CNTN4: variants seen among roughly 807,000 people sequenced by gnomAD.
CNTN4 encodes the protein contactin-4.
CNTN4 carries 77 observed loss-of-function variants against 122.5 expected under a neutral mutation model. That is an observed-to-expected ratio of 0.63 (90% confidence interval 0.52 to 0.76). The LOEUF (loss-of-function observed/expected upper bound fraction) is 0.76. Ranked by LOEUF, CNTN4 falls within the 30% of genes least tolerant of loss-of-function variation. The probability of loss-of-function intolerance (pLI) is 0.00; values close to 1 mark genes in which losing one functional copy is unlikely to be tolerated. For synonymous variants in CNTN4, 512 were observed against 447.0 expected (o/e 1.15, Z -1.83); for missense variants, 1,256 against 1,259.1 (o/e 1.00, Z 0.04).
At chr3:2,296,204 G>A (rs868276711) in intron 2 of CNTN4, among the ~76,000 whole-genome samples, 7 of 152,168 alleles carry the variant, frequency 4.6e-5, no homozygotes, top group Middle Eastern at 6.8e-3. Context: ...GTTTTTTCCA[G>A]TTCTGTGAAG....
At position 2,955,274 on chromosome 3, in the gene CNTN4, A is replaced by G. The variant is rs114216662; in HGVS notation, c.1358+29495A>G. On this transcript the variant is annotated intron_variant, in intron 13 of 24. Coordinates refer to ENST00000418658, the MANE Select transcript of CNTN4 (RefSeq NM_175607.3). ...AAACTATTTCCCAAGACTCAAGGCTAAAGTGCACCTAAATCTTATTTATTA... is the reference window on the plus strand; with the variant it reads ...AAACTATTTCCCAAGACTCAAGGCTGAAGTGCACCTAAATCTTATTTATTA... Among the ~76,000 whole-genome samples, 883 of 152,344 alleles carry G rather than the reference A, an allele frequency of 5.8e-3. 6 individuals are homozygous for G. The highest frequency in any genetic ancestry group is 0.021 in the African/African-American group (853 of 41,590).
intron 2 of CNTN4, among the ~76,000 whole-genome samples, chr3:2,278,672 T>G (rs575810889): frequency 2.4e-4 from 37 of 152,324 alleles, no homozygotes; most frequent in African/African-American, 8.9e-4. Context: ...AGATGTTAAA[T>G]AGACAAGATG....
intron 3 of CNTN4, among the ~76,000 whole-genome samples, chr3:2,532,065 C>T (rs1168601024): frequency 6.6e-6 from 1 of 152,192 alleles, no homozygotes; most frequent in African/African-American, 2.4e-5. Context: ...TTAACTCACA[C>T]TGGACTTTTC....
chr3:2,260,311 T>G (rs899365853), intron 2 of CNTN4, among the ~76,000 whole-genome samples: 21 of 152,058 alleles, frequency 1.4e-4, no homozygotes, highest in African/African-American at 5.1e-4. Flanking sequence ...ACCACCCGAG[T>G]TGTGATAATC....
intron 3 of CNTN4, among the ~76,000 whole-genome samples, chr3:2,352,041 A>C (rs554683984): frequency 1.3e-5 from 2 of 152,218 alleles, no homozygotes; most frequent in African/African-American, 4.8e-5. Context: ...ACATATATCA[A>C]AACATCACAT....
chr3:2,918,179 A>G (rs934732008), intron 12 of CNTN4, among the ~76,000 whole-genome samples: 2 of 152,204 alleles, frequency 1.3e-5, no homozygotes, highest in Non-Finnish European at 2.9e-5. Context: ...CATTGCATAA[A>G]CATAGCTCTT....
intron 4 of CNTN4, among the ~76,000 whole-genome samples, chr3:2,600,652 A>G (rs1189547128): frequency 1.3e-5 from 2 of 152,214 alleles, no homozygotes; most frequent in Non-Finnish European, 2.9e-5. Flanking sequence ...ATAGTGCCAC[A>G]ATAAACATAC....
chr3:2,627,573 A>C (rs760277725), intron 4 of CNTN4, among the ~76,000 whole-genome samples: 3 of 146,978 alleles, frequency 2.0e-5, no homozygotes, highest in South Asian at 2.1e-4. Flanking sequence ...GGCTCACTGC[A>C]AGCTCCGCCT....
intron 3 of CNTN4, among the ~76,000 whole-genome samples, chr3:2,384,134 A>G (rs1415989173): frequency 6.6e-6 from 1 of 152,132 alleles, no homozygotes; most frequent in Non-Finnish European, 1.5e-5. Context: ...TAATGAATTG[A>G]GCTTACAGCA....
rs540382660 is a variant in CNTN4, at chr3:2,509,598, G to A, written c.-88-61818G>A. On this transcript the variant is annotated intron_variant, in intron 3 of 24. Coordinates refer to ENST00000418658, the MANE Select transcript of CNTN4 (RefSeq NM_175607.3). ...GTTGATAATGGGCACAGAAGGGTTT[G>A]GTAGTGGACATCTTTTACCCAATCA... 4.6e-5 allele frequency among the ~76,000 whole-genome samples: 7 copies of A among 152,260 alleles called. No homozygotes were observed. The Middle Eastern group carries it at 0.014, about 296-fold the overall frequency.
chr3:2,384,400 T>A lies in CNTN4; in HGVS notation c.-89+45167T>A, dbSNP rs183191829. On this transcript the variant is annotated intron_variant, in intron 3 of 24. Coordinates refer to ENST00000418658, the MANE Select transcript of CNTN4 (RefSeq NM_175607.3). ...CTTACCTCTTCCAAAGTCGCCTAAT[T>A]ACTCGCAGCACATAAATCCGCCTGT... Among the ~76,000 whole-genome samples, 72 of 152,224 alleles carry A rather than the reference T, an allele frequency of 4.7e-4. No individual in the cohort carries two copies. In the South Asian group the frequency reaches 7.9e-3, roughly 17 times the overall value.
intron 3 of CNTN4, among the ~76,000 whole-genome samples, chr3:2,473,728 G>A (rs1403213485): frequency 3.3e-5 from 5 of 151,988 alleles, no homozygotes; most frequent in African/African-American, 1.2e-4. Context: ...TACAACATTT[G>A]CCGGCCAGGC....
At chr3:2,974,489 T>G (rs1249248654) in intron 13 of CNTN4, among the ~76,000 whole-genome samples, 1 of 152,208 alleles carries the variant, frequency 6.6e-6, no homozygotes, top group Non-Finnish European at 1.5e-5. Flanking sequence ...TGCTTGTTAA[T>G]TATGACCCCC....
intron 14 of CNTN4, among the ~76,000 whole-genome samples, chr3:3,014,173 C>T (rs1697522801): frequency 6.6e-6 from 1 of 152,064 alleles, no homozygotes; most frequent in African/African-American, 2.4e-5. Context: ...CTAACCAAGA[C>T]CTAGCCAAAA....
At chr3:2,573,363 A>G (rs545854991) in intron 4 of CNTN4, among the ~76,000 whole-genome samples, 3 of 152,154 alleles carry the variant, frequency 2.0e-5, no homozygotes, top group South Asian at 4.2e-4. Context: ...TAGTGATATT[A>G]TTTATTTCCC....
intron 4 of CNTN4, among the ~76,000 whole-genome samples, chr3:2,703,644 TA>T (rs1453249789): frequency 2.0e-5 from 3 of 151,726 alleles, no homozygotes; most frequent in South Asian, 4.2e-4. Flanking sequence ...AAACTATAGA[TA>T]AAAAATAAAA....
Position 2,245,146 on chromosome 3 carries a change from T to C in CNTN4, c.-144-94032T>C, listed in dbSNP as rs901178193. On this transcript the variant is annotated intron_variant, in intron 2 of 24. Transcript: ENST00000418658. ...CAGAATTGTTCCCATATCTGGATGA[T>C]AGAACTCACTCCTCCTATGTATTTA... Among the ~76,000 whole-genome samples the C allele has an allele frequency of 1.6e-4, 25 of 152,188 alleles. No individual in the cohort carries two copies. The East Asian group carries it at 1.7e-3, about 11-fold the overall frequency.
At chr3:2,992,646 T>C (rs191434269) in intron 14 of CNTN4, among the ~76,000 whole-genome samples, 36 of 152,302 alleles carry the variant, frequency 2.4e-4, no homozygotes, top group Admixed American at 1.7e-3. Flanking sequence ...TTTGTTTGGA[T>C]GTAGTTCAAC....
At chr3:2,835,061 C>G (rs938311312) in intron 7 of CNTN4, among the ~76,000 whole-genome samples, 1 of 151,780 alleles carries the variant, frequency 6.6e-6, no homozygotes, top group Non-Finnish European at 1.5e-5. Context: ...CCCGCCACCA[C>G]GCCCGGCTCA....
Sources: gnomAD v4.1 joint callset for allele counts (sites outside exome capture counted in the v4.1 genomes callset) on GRCh38, gnomAD v4.1.1 for gene constraint, MANE v1.5 for transcripts, NCBI Gene and HGNC (gene_info 2026-07-23, HGNC 2026-07-21) for gene names.